TRIQK: variants seen among roughly 807,000 people sequenced by gnomAD.
TRIQK encodes triple QxxK/R motif containing, also known as triple QxxK/R motif-containing protein.
A neutral mutation model predicts 10.8 loss-of-function variants in TRIQK; 10 were observed. The ratio of observed to expected loss-of-function variants is 0.92; its 90% CI spans 0.57 to 1.57. The LOEUF (loss-of-function observed/expected upper bound fraction) is 1.57, where lower values mean the gene tolerates loss of function less well. Ranked by LOEUF, TRIQK falls within the 40% of genes most tolerant of loss-of-function variation. The probability of loss-of-function intolerance (pLI) is 0.00; values close to 1 mark genes in which losing one functional copy is unlikely to be tolerated. For synonymous variants in TRIQK, 33 were observed against 33.7 expected (o/e 0.98, Z 0.07); for missense variants, 107 against 97.7 (o/e 1.09, Z -0.40).
At chr8:92,923,550 A>T (rs748080505) in intron 2 of TRIQK, among the ~76,000 whole-genome samples, 2 of 151,904 alleles carry the variant, frequency 1.3e-5, no homozygotes, top group Non-Finnish European at 2.9e-5. Flanking sequence ...ATTTTGCTGT[A>T]GGAATGATTT....
intron 1 of TRIQK, among the ~76,000 whole-genome samples, chr8:93,012,659 G>A (rs910399211): frequency 3.9e-5 from 6 of 152,054 alleles, no homozygotes; most frequent in Admixed American, 1.3e-4. Context: ...CCATAAAGCC[G>A]TTATAATTCA....
intron 3 of TRIQK, among the ~76,000 whole-genome samples, chr8:92,905,563 TG>T (rs1323720379): frequency 6.6e-6 from 1 of 152,208 alleles, no homozygotes; most frequent in Non-Finnish European, 1.5e-5. Context: ...GGCGGATCCA[TG>T]GTTGTTCATG....
At chr8:93,017,250 A>G (rs1374866524) in intron 1 of TRIQK, among the ~76,000 whole-genome samples, 2 of 152,054 alleles carry the variant, frequency 1.3e-5, no homozygotes, top group Admixed American at 6.6e-5. Flanking sequence ...GCATGTTTAG[A>G]TAAGTCCAAC....
intron 2 of TRIQK, among the ~76,000 whole-genome samples, chr8:92,917,532 C>T (rs187532838): frequency 2.0e-5 from 3 of 152,046 alleles, no homozygotes; most frequent in African/African-American, 7.2e-5. Flanking sequence ...ATAAAAACTA[C>T]TACCATTTAT....
chr8:93,013,260 T>A (rs907875830), intron 1 of TRIQK, among the ~76,000 whole-genome samples: 9 of 152,190 alleles, frequency 5.9e-5, no homozygotes, highest in Non-Finnish European at 1.2e-4. Context: ...GAGTAACACT[T>A]GACTATTTGG....
At chr8:92,888,815 T>G (rs553659032) in intron 4 of TRIQK, among the ~76,000 whole-genome samples, 2 of 151,786 alleles carry the variant, frequency 1.3e-5, no homozygotes, top group Non-Finnish European at 3.0e-5. Context: ...ATCCTTATTC[T>G]TTCACTATAA....
At chr8:92,893,798 ACTT>A (rs1400709622) in intron 3 of TRIQK, among the ~76,000 whole-genome samples, 1 of 143,220 alleles carries the variant, frequency 7.0e-6, no homozygotes. Flanking sequence ...TCACAAAGTA[ACTT>A]CTTGTTTTAT....
chr8:92,900,898 T>G (rs187372931), intron 3 of TRIQK, among the ~76,000 whole-genome samples: 1 of 152,248 alleles, frequency 6.6e-6, no homozygotes, highest in African/African-American at 2.4e-5. Context: ...CATTTTTTTG[T>G]GTTCTCTTCA....
At chr8:92,948,913 T>C (rs1350069092) in intron 2 of TRIQK, among the ~76,000 whole-genome samples, 1 of 152,248 alleles carries the variant, frequency 6.6e-6, no homozygotes, top group Non-Finnish European at 1.5e-5. Context: ...CACAGTAAAC[T>C]GTAACCTTTC....
intron 1 of TRIQK, among the ~76,000 whole-genome samples, chr8:92,976,435 T>C (rs1812932347): frequency 6.6e-6 from 1 of 152,032 alleles, no homozygotes; most frequent in African/African-American, 2.4e-5. Context: ...ATCTACTTTG[T>C]GTGATATTAA....
At chr8:92,919,334 T>C (rs1810048065) in intron 2 of TRIQK, among the ~76,000 whole-genome samples, 1 of 151,792 alleles carries the variant, frequency 6.6e-6, no homozygotes, top group East Asian at 1.9e-4. Flanking sequence ...TTTAACAAGA[T>C]TAATTTTATC....
intron 2 of TRIQK, among the ~76,000 whole-genome samples, chr8:92,952,012 C>T (rs1811936653): frequency 6.6e-6 from 1 of 151,692 alleles, no homozygotes. Context: ...GGCCTATTTA[C>T]AGCAGTTCCT....
chr8:92,915,581 TC>T (rs1386472409), intron 3 of TRIQK, among the ~76,000 whole-genome samples: 1 of 152,022 alleles, frequency 6.6e-6, no homozygotes, highest in African/African-American at 2.4e-5. Flanking sequence ...CCTCCCGGGT[TC>T]CCGGGTTCAC....
intron 3 of TRIQK, among the ~76,000 whole-genome samples, chr8:92,916,199 C>A (rs1264099941): frequency 2.0e-5 from 3 of 152,084 alleles, no homozygotes; most frequent in African/African-American, 7.2e-5. Flanking sequence ...ACTTGGGATA[C>A]TTTCTTTGTG....
At chr8:92,980,097 T>C (rs1241986050) in intron 1 of TRIQK, among the ~76,000 whole-genome samples, 2 of 152,086 alleles carry the variant, frequency 1.3e-5, no homozygotes, top group South Asian at 4.1e-4. Context: ...TTTCTGGTAC[T>C]TTATTAAGTT....
chr8:92,941,058 TTTATTTA>T (rs1811246841), intron 2 of TRIQK: 1 of 151,918 alleles, frequency 6.6e-6, no homozygotes, highest in Non-Finnish European at 1.5e-5. Context: ...AAAAGGGAAA[TTTATTTA>T]TTATTTATTT....
At chr8:92,952,549 G>A (rs1311811964) in intron 2 of TRIQK, among the ~76,000 whole-genome samples, 1 of 151,720 alleles carries the variant, frequency 6.6e-6, no homozygotes. Context: ...AGAAATATTT[G>A]AAACAATAAT....
intron 4 of TRIQK, among the ~76,000 whole-genome samples, chr8:92,891,609 T>C (rs1340985209): frequency 6.6e-6 from 1 of 151,904 alleles, no homozygotes; most frequent in Non-Finnish European, 1.5e-5. Context: ...TAATTAATGA[T>C]CTCAGTATAT....
intron 1 of TRIQK, among the ~76,000 whole-genome samples, chr8:92,999,053 C>CT (rs1183068186): frequency 6.6e-6 from 1 of 152,110 alleles, no homozygotes; most frequent in Admixed American, 6.5e-5. Flanking sequence ...TGAATATTTA[C>CT]TTAGTGTCTA....
Sources: allele counts gnomAD v4.1 joint callset (sites outside exome capture counted in the v4.1 genomes callset), GRCh38; gene constraint gnomAD v4.1.1; transcripts MANE v1.5; gene names NCBI Gene and HGNC (gene_info 2026-07-23, HGNC 2026-07-21).